Variants in ACVR2B observed in about 807,000 individuals in gnomAD.
ACVR2B encodes the protein activin receptor type-2B.
In ACVR2B, 18 loss-of-function variants were observed where a neutral mutation model predicts 65.1. That is an observed-to-expected ratio of 0.28 (90% CI 0.19 to 0.41). The LOEUF (loss-of-function observed/expected upper bound fraction) is 0.41. Ranked by LOEUF, ACVR2B falls within the 10% of genes least tolerant of loss-of-function variation. The pLI, the probability that ACVR2B is intolerant of heterozygous loss-of-function variation, is 1.00. For missense variants in ACVR2B, 482 were observed against 682.7 expected (o/e 0.71, Z 3.28); for synonymous variants, 298 against 277.7 (o/e 1.07, Z -0.73).
chr3:38,476,965 G>A, intron 1 of ACVR2B: 1 of 453,252 alleles, frequency 2.2e-6, no homozygotes, highest in Non-Finnish European at 4.0e-6. Flanking sequence ...CCCTTTCTGT[G>A]CATCTGGACT....
intron 1 of ACVR2B, among the ~76,000 whole-genome samples, chr3:38,471,320 A>T (rs1709813972): frequency 1.3e-5 from 2 of 152,244 alleles, no homozygotes; most frequent in African/African-American, 4.8e-5. Context: ...TCTCACAAGT[A>T]ATCAGGGAAA....
rs2059820075 is a variant in ACVR2B at position 38,492,726 on chromosome 3, TA to T, written c.*9395del. 1 of 134,252 alleles carries T rather than the reference TA, an allele frequency of 7.4e-6. No individual in the cohort carries two copies. Among genetic ancestry groups the T allele is most frequent in the Non-Finnish European group, 1.6e-5 (1 of 61,108 alleles). The allele number at this position is 134,252 out of a possible 1,614,324, so 8.3% of individuals were successfully genotyped here. Reference sequence around the variant, plus strand: ...TGAAAAGTGTGCTGATTTATATATATATATTACACACACACACACACACACA... The same window carrying T: ...TGAAAAGTGTGCTGATTTATATATATTATTACACACACACACACACACACA... On this transcript the variant is annotated 3_prime_UTR_variant, in exon 11 of 11. Coordinates refer to ENST00000352511, the MANE Select transcript of ACVR2B (RefSeq NM_001106.4).
chr3:38,455,367 C>A (rs1265320331), intron 1 of ACVR2B, among the ~76,000 whole-genome samples: 1 of 152,076 alleles, frequency 6.6e-6, no homozygotes, highest in Non-Finnish European at 1.5e-5. Context: ...ACCCGGCCGC[C>A]GGGTCCTGCG....
chr3:38,482,722 G>A (rs1710039893), intron 10 of ACVR2B, among the ~76,000 whole-genome samples, 162 bp downstream of exon 10: 1 of 152,080 alleles, frequency 6.6e-6, no homozygotes, highest in Non-Finnish European at 1.5e-5. Flanking sequence ...AGTGAGGTAG[G>A]ATGATGTCCT....
At chr3:38,470,093 G>T (rs181691327) in intron 1 of ACVR2B, among the ~76,000 whole-genome samples, 3 of 152,218 alleles carry the variant, frequency 2.0e-5, no homozygotes, top group African/African-American at 7.2e-5. Flanking sequence ...GGAAAGGAGG[G>T]TTAAGAGACT....
chr3:38,454,741 G>A, intron 1 of ACVR2B: 1 of 190,272 alleles, frequency 5.3e-6, no homozygotes, highest in Non-Finnish European at 1.1e-5. Flanking sequence ...GATCTCATTG[G>A]GGGTGGCAGG....
chr3:38,475,310 C>T (rs538509003), intron 1 of ACVR2B: 1 of 152,288 alleles, frequency 6.6e-6, no homozygotes. Flanking sequence ...TTGTAAGCCT[C>T]TCTGTGGACC....
chr3:38,454,528 G>T, intron 1 of ACVR2B, 154 bp downstream of exon 1: 1 of 638,534 alleles, frequency 1.6e-6, no homozygotes. Context: ...CTGGGGGCGC[G>T]GTGGGCGCCC....
At chr3:38,479,650 G>A in intron 6 of ACVR2B, 28 bp from the exon 7 acceptor site, 1 of 1,613,694 alleles carries the variant, frequency 6.2e-7, no homozygotes, top group Non-Finnish European at 8.5e-7. Context: ...CAGAATCTGT[G>A]CTCAAGTTCT....
chr3:38,467,752 CAA>C (rs71085327), intron 1 of ACVR2B, among the ~76,000 whole-genome samples: 57 of 139,294 alleles, frequency 4.1e-4, no homozygotes, highest in Middle Eastern at 3.8e-3. Flanking sequence ...ACCCTGTGTC[CAA>C]AAAAAAAAAA....
At chr3:38,475,990 G>C (rs553065666) in intron 1 of ACVR2B, 2 of 152,492 alleles carry the variant, frequency 1.3e-5, no homozygotes, top group South Asian at 4.1e-4. Flanking sequence ...GATGCTTGGT[G>C]CAACTATCCT....
intron 1 of ACVR2B, among the ~76,000 whole-genome samples, chr3:38,470,586 C>T (rs896008645): frequency 2.0e-5 from 3 of 152,068 alleles, no homozygotes; most frequent in Non-Finnish European, 4.4e-5. Flanking sequence ...GGCAGAGATG[C>T]AGGGAGAGAT....
At chr3:38,466,007 C>T (rs1438801750) in intron 1 of ACVR2B, among the ~76,000 whole-genome samples, 1 of 152,186 alleles carries the variant, frequency 6.6e-6, no homozygotes, top group Admixed American at 6.5e-5. Context: ...AGAATGATAG[C>T]TTTAAGTGCT....
chr3:38,487,665 T>G lies in ACVR2B; in HGVS notation c.*4333T>G, dbSNP rs1710145815. The G allele has an allele frequency of 6.6e-6, 1 of 152,252 alleles. No individual in the cohort carries two copies. The highest frequency in any genetic ancestry group is 1.5e-5 in the Non-Finnish European group (1 of 68,052). The allele number at this position is 152,252 out of a possible 1,614,324, so 9.4% of individuals were successfully genotyped here. A position where few individuals can be genotyped will look rare whatever the true frequency, so the allele number is the denominator to read the frequency against. ...AAAGTGGGAGTATTGGATGGCCCTC[T>G]TGAAACTAGAATTTTGCCTTTTTTA... On this transcript the variant is annotated 3_prime_UTR_variant, in exon 11 of 11. Coordinates refer to ENST00000352511, the MANE Select transcript of ACVR2B (RefSeq NM_001106.4).
intron 1 of ACVR2B, among the ~76,000 whole-genome samples, chr3:38,460,104 G>A (rs2125712918): frequency 6.6e-6 from 1 of 152,304 alleles, no homozygotes; most frequent in African/African-American, 2.4e-5. Flanking sequence ...AGTGCTTGCT[G>A]AGGTTCAGAC....
At position 38,482,206 on chromosome 3, in the gene ACVR2B, G is replaced by C; in HGVS notation, c.1083G>C (p.Thr361=). Residue 361 remains threonine (T), a synonymous_variant, in exon 9 of 11, where the codon ACG becomes ACC. Transcript: ENST00000352511. ...CCTCTGTCCTCACATAGGTAGGCAC[G>C]AGACGGTACATGGCTCCTGAGGTGC... ...PPGDTHGQVG[T]RRYMAPEVLE... is the part of the protein sequence containing the mutation. 1 of 1,613,696 alleles carries C rather than the reference G, an allele frequency of 6.2e-7. No individual in the cohort carries two copies. The highest frequency in any genetic ancestry group is 8.5e-7 in the Non-Finnish European group (1 of 1,179,982).
intron 1 of ACVR2B, among the ~76,000 whole-genome samples, chr3:38,456,284 G>A (rs1029085892): frequency 1.3e-5 from 2 of 152,204 alleles, no homozygotes; most frequent in Non-Finnish European, 2.9e-5. Context: ...CCCAGGCCCA[G>A]TTTGGAGCAG....
At chr3:38,455,414 G>A (rs1008918929) in intron 1 of ACVR2B, among the ~76,000 whole-genome samples, 2 of 152,136 alleles carry the variant, frequency 1.3e-5, no homozygotes, top group Non-Finnish European at 2.9e-5. Flanking sequence ...CATGCAGCGC[G>A]GGTCCCCCGC....
chr3:38,477,254 A>T lies in ACVR2B; in HGVS notation c.53-33A>T. The T allele has an allele frequency of 3.1e-6, 5 of 1,612,448 alleles. No individual in the cohort carries two copies. Among genetic ancestry groups the T allele is most frequent in the Non-Finnish European group, 4.2e-6 (5 of 1,179,090 alleles). ...GGGTTTGGGTGGTGGTCCCAGGGGC[A>T]TGCTCAGTGGTTCTCTTTTCTCTGG... On this transcript the variant is annotated intron_variant, in intron 1 of 10. Transcript: ENST00000352511. This position sits in a 1 kb window ranked among gnomAD's most constrained non-coding sequence, Gnocchi z 6.7.
Sources: gnomAD v4.1 joint callset for allele counts (sites outside exome capture counted in the v4.1 genomes callset) on GRCh38, gnomAD v4.1.1 for gene constraint, Gnocchi (gnomAD v3.1) non-coding constraint, MANE v1.5 for transcripts, NCBI Gene and HGNC (gene_info 2026-07-23, HGNC 2026-07-21) for gene names.